AMT: variants seen among roughly 807,000 people sequenced by gnomAD.
The protein encoded by AMT is aminomethyltransferase, mitochondrial.
In AMT, 24 loss-of-function variants were observed where a neutral mutation model predicts 39.5. That is an observed-to-expected ratio of 0.61 (90% CI 0.44 to 0.86). AMT has a LOEUF of 0.86. Among genes scored for constraint, AMT ranks in the 40% least tolerant of loss-of-function variants. AMT has a pLI of 0.00. For synonymous variants in AMT, 210 were observed against 212.1 expected (o/e 0.99, Z 0.09); for missense variants, 501 against 537.0 (o/e 0.93, Z 0.66).
intron 7 of AMT, 45 bp from the exon 8 acceptor site, chr3:49,418,018 C>T: frequency 6.4e-7 from 1 of 1,570,192 alleles, no homozygotes; most frequent in Middle Eastern, 2.1e-4. Flanking sequence ...CATAGAAGCC[C>T]TGGCCACAGG....
intron 7 of AMT, chr3:49,418,681 AT>A: frequency 3.1e-6 from 1 of 327,104 alleles, no homozygotes; most frequent in South Asian, 2.8e-5. Flanking sequence ...TTTTTTTTGT[AT>A]TTTTAGTAGA....
chr3:49,417,388 TGG>T lies in AMT; in HGVS notation c.*150_*151del. The T allele has an allele frequency of 6.2e-7, 1 of 1,604,842 alleles. No individual in the cohort carries two copies. Among genetic ancestry groups the T allele is most frequent in the Non-Finnish European group, 8.5e-7 (1 of 1,178,462 alleles). On this transcript the variant is annotated 3_prime_UTR_variant, in exon 9 of 9. Coordinates refer to ENST00000273588, the MANE Select transcript of AMT (RefSeq NM_000481.4). ...GGAAGCTGGAATGGCATGAGTTAGG[TGG>T]GGGGAATAGGTGGTGTGGCCCCTCA...
intron 2 of AMT, 155 bp downstream of exon 2, chr3:49,421,949 G>T: frequency 9.7e-7 from 1 of 1,029,906 alleles, no homozygotes; most frequent in East Asian, 2.5e-5. Flanking sequence ...CATTTCCTTG[G>T]GGCCATTGAC....
chr3:49,418,597 G>A (rs547840807), intron 7 of AMT: 4 of 269,238 alleles, frequency 1.5e-5, no homozygotes, highest in South Asian at 7.1e-5. Context: ...CGCCGCCCAG[G>A]TTCATGCCAT....
intron 2 of AMT, 87 bp from the exon 3 acceptor site, chr3:49,421,659 A>C: frequency 8.2e-7 from 1 of 1,226,650 alleles, no homozygotes; most frequent in African/African-American, 1.5e-5. Flanking sequence ...CCTGCCATCC[A>C]CAGTGCAGTC....
Position 49,419,242 on chromosome 3 carries a change from C to T in AMT, c.696+18G>A, listed in dbSNP as rs1460272548. On this transcript the variant is annotated intron_variant, in intron 6 of 8. Coordinates refer to ENST00000273588, the MANE Select transcript of AMT (RefSeq NM_000481.4). ...CATCCTGTGCCCTGTACTGCCCCCA[C>T]ACCACTTCTTGACACACCTCCACAC... is the stretch of plus-strand genomic sequence containing the variant. 7.4e-6 allele frequency: 12 copies of T among 1,614,130 alleles called. No individual in the cohort carries two copies. The highest frequency in any genetic ancestry group is 1.0e-5 in the Non-Finnish European group (12 of 1,180,024).
At position 49,416,827 on chromosome 3, in the gene AMT, C is replaced by T. The variant is rs1401034519; in HGVS notation, c.*713G>A. ...TTTTTTTTCAGGATTCAGTGGAGTC[C>T]ATTAATGCATACCAGGGGCAAAGAT... On this transcript the variant is annotated 3_prime_UTR_variant, in exon 9 of 9. Transcript: ENST00000273588. The T allele has an allele frequency of 2.2e-6, 1 of 454,626 alleles. No individual in the cohort carries two copies. The highest frequency in any genetic ancestry group is 4.4e-6 in the Non-Finnish European group (1 of 227,258). The allele number at this position is 454,626 out of a possible 1,614,324, so 28.2% of individuals were successfully genotyped here.
intron 4 of AMT, 115 bp from the exon 5 acceptor site, chr3:49,419,903 A>G (rs63004760): frequency 3.8e-5 from 39 of 1,013,392 alleles, no homozygotes; most frequent in East Asian, 2.9e-4. Flanking sequence ...AGGAGGGAGG[A>G]AAAAAAAAGG....
At chr3:49,420,459 G>A (rs1164979490) in intron 3 of AMT, 117 bp from the exon 4 acceptor site, 1 of 1,481,900 alleles carries the variant, frequency 6.7e-7, no homozygotes, top group Non-Finnish European at 9.4e-7. Context: ...TAATGTGAAG[G>A]ACTCAGGGTG....
At chr3:49,420,724 T>C (rs1340864509) in intron 3 of AMT, 2 of 328,924 alleles carry the variant, frequency 6.1e-6, no homozygotes, top group African/African-American at 4.3e-5. Flanking sequence ...ATCTTGATGA[T>C]CGCAGGCTCT....
Position 49,417,819 on chromosome 3 carries a change from A to G in AMT, c.1032T>C (p.Ile344=), listed in dbSNP as rs1296702868. The change falls in exon 8 of 9, where the codon ATT becomes ATC. Residue 344 remains isoleucine, a splice_region_variant and synonymous_variant. Transcript: ENST00000273588. The part of the protein sequence containing the change: ...SPILNMEGTK[I]GTVTSGCPSP... ...TCCCAGCTTCCCTGGTCCACCTACC[A>G]ATCTTGGTACCCTCCATGTTCAGGA... The G allele has an allele frequency of 1.2e-6, 2 of 1,613,864 alleles. No homozygotes were observed. The highest frequency in any genetic ancestry group is 2.2e-5 in the East Asian group (1 of 44,876).
Position 49,417,096 on chromosome 3 carries a change from A to G in AMT, c.*444T>C. On this transcript the variant is annotated 3_prime_UTR_variant, in exon 9 of 9. Coordinates refer to ENST00000273588, the MANE Select transcript of AMT (RefSeq NM_000481.4). ...GTAAGGACAATTTGCATTTACGGAA[A>G]GCAAACTGGAGGGGGTAGCCTAAGT... 1.4e-6 allele frequency: 1 copy of G among 706,196 alleles called. No homozygotes were observed. Among genetic ancestry groups the G allele is most frequent in the Non-Finnish European group, 2.5e-6 (1 of 396,186 alleles). The allele number at this position is 706,196 out of a possible 1,614,324, so 43.7% of individuals were successfully genotyped here.
At position 49,419,408 on chromosome 3, in the gene AMT, G is replaced by T. The variant is rs1273977692; in HGVS notation, c.551-3C>A. ...TAGTACCTGGGCTGCAGTGGGGCCTGGGCCCAGGGAGCCAGTGACCAAGTA... is the reference window on the plus strand; with the variant it reads ...TAGTACCTGGGCTGCAGTGGGGCCTTGGCCCAGGGAGCCAGTGACCAAGTA... On this transcript the variant is annotated splice_region_variant and splice_polypyrimidine_tract_variant and intron_variant, in intron 5 of 8. Coordinates refer to ENST00000273588, the MANE Select transcript of AMT (RefSeq NM_000481.4). 3 of 1,613,534 alleles carry T rather than the reference G, an allele frequency of 1.9e-6. No homozygotes were observed. The highest frequency in any genetic ancestry group is 2.5e-6 in the Non-Finnish European group (3 of 1,179,854).
chr3:49,419,817 G>T (rs779960416), intron 4 of AMT, 29 bp from the exon 5 acceptor site: 2 of 1,608,874 alleles, frequency 1.2e-6, no homozygotes, highest in East Asian at 4.5e-5. Context: ...AGAGCATCTG[G>T]GGCCACTTAC....
In AMT at chr3:49,416,924, G is replaced by A. The variant is rs1477520548; in HGVS notation, c.*616C>T. ...AGCAGCCCTGGAACTCAGAATAGGT[G>A]GTGAGTCTGCCATGGTTTGCTACTG... On this transcript the variant is annotated 3_prime_UTR_variant, in exon 9 of 9. Transcript: ENST00000273588. 2 of 461,760 alleles carry A rather than the reference G, an allele frequency of 4.3e-6. No individual in the cohort carries two copies. The highest frequency in any genetic ancestry group is 8.6e-6 in the Non-Finnish European group (2 of 232,304). The allele number at this position is 461,760 out of a possible 1,614,324, so 28.6% of individuals were successfully genotyped here.
Position 49,421,592 on chromosome 3 carries a change from C to T in AMT, c.259-20G>A, listed in dbSNP as rs1226915232. 2 of 1,609,322 alleles carry T rather than the reference C, an allele frequency of 1.2e-6. No homozygotes were observed. The highest frequency in any genetic ancestry group is 3.3e-5 in the Admixed American group (2 of 60,004). ...CTTGGTCTGGGGAAGAGATTGAAAG[C>T]CTCAGGCCATTGCAACAGCTACAAT... On this transcript the variant is annotated intron_variant, in intron 2 of 8. Coordinates refer to ENST00000273588, the MANE Select transcript of AMT (RefSeq NM_000481.4).
rs1258383489 is a variant in AMT, at chr3:49,417,449, G to A, written c.*91C>T. 4 of 1,613,436 alleles carry A rather than the reference G, an allele frequency of 2.5e-6. No homozygotes were observed. The highest frequency in any genetic ancestry group is 1.3e-5 in the African/African-American group (1 of 74,914). On this transcript the variant is annotated 3_prime_UTR_variant, in exon 9 of 9. Coordinates refer to ENST00000273588, the MANE Select transcript of AMT (RefSeq NM_000481.4). ...ATTAGAATCAGCCTCCACCTTAACT[G>A]CCCACCCCCAGTGAGTTCTGCCTCA...
chr3:49,418,506 T>TTTTTTTTC lies in AMT; in HGVS notation c.877+464_877+465insGAAAAAAA. On this transcript the variant is annotated intron_variant, in intron 7 of 8. Transcript: ENST00000273588. The stretch of plus-strand genomic sequence containing the variant: ...GCATCTTCAGTTTCTTTTTTTTTTT[T>TTTTTTTTC]TTTTTTTTTTTTGAGACGGGGTCTC... 1.4e-5 allele frequency: 2 copies of TTTTTTTTC among 144,644 alleles called. 1 individual carries two copies. The highest frequency in any genetic ancestry group is 1.4e-4 in the Admixed American group (2 of 14,102). The allele number at this position is 144,644 out of a possible 1,614,324, so 9.0% of individuals were successfully genotyped here.
intron 4 of AMT, 114 bp from the exon 5 acceptor site, chr3:49,419,902 G>GA (rs34568346): frequency 5.0e-4 from 504 of 1,013,634 alleles, no homozygotes; most frequent in Non-Finnish European, 6.6e-4. Flanking sequence ...GAGGAGGGAG[G>GA]AAAAAAAAAG....
Sources: gnomAD v4.1 joint callset for allele counts on GRCh38, gnomAD v4.1.1 for gene constraint, MANE v1.5 for transcripts, NCBI Gene and HGNC (gene_info 2026-07-23, HGNC 2026-07-21) for gene names.